Variants in NCKAP5 observed in about 807,000 individuals in gnomAD.
NCKAP5 encodes NCK associated protein 5.
A neutral mutation model predicts 167.0 loss-of-function variants in NCKAP5; 92 were observed. That is an observed-to-expected ratio of 0.55 (90% CI 0.47 to 0.66). The LOEUF (loss-of-function observed/expected upper bound fraction) is 0.66, where lower values mean the gene tolerates loss of function less well. Ranked by LOEUF, NCKAP5 falls within the 30% of genes least tolerant of loss-of-function variation. The pLI, the probability that NCKAP5 is intolerant of heterozygous loss-of-function variation, is 0.00. For synonymous variants in NCKAP5, 891 were observed against 877.4 expected (o/e 1.02, Z -0.27); for missense variants, 2,378 against 2,315.0 (o/e 1.03, Z -0.56).
chr2:133,401,174 C>T (rs1028224165), intron 3 of NCKAP5, among the ~76,000 whole-genome samples: 2 of 152,162 alleles, frequency 1.3e-5, no homozygotes, highest in African/African-American at 4.8e-5. Context: ...TAAACGAAAA[C>T]AGGGTTTGGA....
chr2:132,834,955 G>A (rs1574370224), intron 11 of NCKAP5, among the ~76,000 whole-genome samples: 1 of 152,208 alleles, frequency 6.6e-6, no homozygotes, highest in East Asian at 1.9e-4. Context: ...TGTGTTTGTT[G>A]TATATGGCCT....
At chr2:132,781,359 G>A in intron 14 of NCKAP5, 130 bp from the exon 15 acceptor site, 1 of 814,366 alleles carries the variant, frequency 1.2e-6, no homozygotes, top group Non-Finnish European at 1.8e-6. Flanking sequence ...TGACGGATAA[G>A]GGTTTCTCAT....
chr2:133,045,477 G>A (rs1012935276), intron 6 of NCKAP5, among the ~76,000 whole-genome samples: 3 of 152,012 alleles, frequency 2.0e-5, no homozygotes, highest in East Asian at 3.9e-4. Context: ...GAAACATGAA[G>A]GTGGCCATAT....
chr2:133,209,050 C>T (rs758899649), intron 5 of NCKAP5, among the ~76,000 whole-genome samples: 2 of 141,414 alleles, frequency 1.4e-5, no homozygotes, highest in Admixed American at 7.5e-5. Flanking sequence ...CAAAATAATT[C>T]CATCTGAAAT....
chr2:133,046,046 C>A (rs141240789), intron 6 of NCKAP5, among the ~76,000 whole-genome samples: 1 of 152,260 alleles, frequency 6.6e-6, no homozygotes, highest in Non-Finnish European at 1.5e-5. Flanking sequence ...CTGGACGGAG[C>A]AGGTTGGTGA....
intron 9 of NCKAP5, among the ~76,000 whole-genome samples, chr2:132,872,688 C>T (rs1240141909): frequency 6.6e-6 from 1 of 152,142 alleles, no homozygotes; most frequent in East Asian, 1.9e-4. Flanking sequence ...GCTATTTCAC[C>T]ATGAAAAGCC....
At chr2:132,864,928 C>G (rs1690223959) in intron 10 of NCKAP5, among the ~76,000 whole-genome samples, 1 of 152,110 alleles carries the variant, frequency 6.6e-6, no homozygotes, top group Non-Finnish European at 1.5e-5. Flanking sequence ...CATCTGTAAA[C>G]CAAGGCACTG....
the NCKAP5 span, among the ~76,000 whole-genome samples, chr2:133,668,149 G>A: frequency 1.3e-5 from 2 of 151,894 alleles, no homozygotes; most frequent in Non-Finnish European, 2.9e-5. Context: ...TCTATTGTAT[G>A]GATATACCAC....
At chr2:132,886,241 C>T (rs1040137244) in intron 8 of NCKAP5, among the ~76,000 whole-genome samples, 1 of 152,212 alleles carries the variant, frequency 6.6e-6, no homozygotes. Context: ...TCAAGAGACT[C>T]CCCAAAGGTT....
chr2:133,354,465 C>A (rs1684576004), intron 3 of NCKAP5, among the ~76,000 whole-genome samples: 2 of 152,036 alleles, frequency 1.3e-5, no homozygotes, highest in South Asian at 4.1e-4. Context: ...CTGTTGTTAT[C>A]ATTACATATC....
At chr2:133,651,654 C>T in the NCKAP5 span, among the ~76,000 whole-genome samples, 2 of 152,156 alleles carry the variant, frequency 1.3e-5, no homozygotes, top group African/African-American at 4.8e-5. Flanking sequence ...CCAGCAATCC[C>T]ACTTTTCTGT....
intron 3 of NCKAP5, among the ~76,000 whole-genome samples, chr2:133,469,080 T>A (rs952913653): frequency 5.9e-5 from 9 of 152,126 alleles, no homozygotes; most frequent in Non-Finnish European, 1.0e-4. Context: ...TTTTGCTCAT[T>A]AGTTGATGCA....
At chr2:133,009,785 C>T (rs1230182897) in intron 6 of NCKAP5, among the ~76,000 whole-genome samples, 1 of 152,058 alleles carries the variant, frequency 6.6e-6, no homozygotes, top group African/African-American at 2.4e-5. Flanking sequence ...CAGAGGCTCT[C>T]TGGGCCGGGC....
intron 6 of NCKAP5, among the ~76,000 whole-genome samples, chr2:133,096,151 G>A (rs1328111148): frequency 1.3e-5 from 2 of 152,022 alleles, no homozygotes; most frequent in African/African-American, 2.4e-5. Context: ...AACCTAATAC[G>A]AACCAATCTA....
At chr2:133,357,155 AT>A (rs1241102777) in intron 3 of NCKAP5, among the ~76,000 whole-genome samples, 1 of 152,146 alleles carries the variant, frequency 6.6e-6, no homozygotes, top group Non-Finnish European at 1.5e-5. Context: ...CCTCAAAAAT[AT>A]TTGATGGATC....
chr2:132,734,040 AC>A (rs1471259210), intron 16 of NCKAP5, among the ~76,000 whole-genome samples: 1 of 152,208 alleles, frequency 6.6e-6, no homozygotes, highest in East Asian at 1.9e-4. Flanking sequence ...ATACAGACGC[AC>A]CAAGAGAAGT....
chr2:133,202,646 A>T (rs1321014567), intron 5 of NCKAP5, among the ~76,000 whole-genome samples: 7 of 152,188 alleles, frequency 4.6e-5, no homozygotes, highest in African/African-American at 7.2e-5. Context: ...CATCTGACAA[A>T]GGGCTAATAT....
chr2:132,834,007 T>A (rs1272664599), intron 11 of NCKAP5, among the ~76,000 whole-genome samples: 1 of 152,188 alleles, frequency 6.6e-6, no homozygotes. Context: ...ATTTTCTACT[T>A]GTTTGTGTCA....
intron 5 of NCKAP5, among the ~76,000 whole-genome samples, chr2:133,172,965 G>A (rs865872654): frequency 5.3e-5 from 8 of 152,192 alleles, no homozygotes; most frequent in African/African-American, 1.2e-4. Context: ...GATTACAGGC[G>A]GGAGCCACCG....
Sources: allele counts gnomAD v4.1 joint callset (sites outside exome capture counted in the v4.1 genomes callset), GRCh38; gene constraint gnomAD v4.1.1; transcripts MANE v1.5; gene names NCBI Gene and HGNC (gene_info 2026-07-23, HGNC 2026-07-21).